The following MAML2 variants were observed in gnomAD, a reference collection of about 807,000 sequenced individuals.
The protein encoded by MAML2 is mastermind like transcriptional coactivator 2.
In MAML2, 22 loss-of-function variants were observed where a neutral mutation model predicts 96.1. The ratio of observed to expected loss-of-function variants is 0.23; its 90% CI spans 0.16 to 0.33. The LOEUF is 0.33. MAML2 is among the 10% of genes least tolerant of loss of function. The probability of loss-of-function intolerance (pLI) is 1.00; values close to 1 mark genes in which losing one functional copy is unlikely to be tolerated. For missense variants in MAML2, 1,367 were observed against 1,392.4 expected (o/e 0.98, Z 0.29); for synonymous variants, 561 against 521.3 (o/e 1.08, Z -1.04).
At chr11:96,121,700 AAAAG>A (rs1260026743) in intron 1 of MAML2, among the ~76,000 whole-genome samples, 1 of 151,834 alleles carries the variant, frequency 6.6e-6, no homozygotes, top group Non-Finnish European at 1.5e-5. Flanking sequence ...ATAAAGAAAA[AAAAG>A]AGAGAAGACT....
chr11:96,020,658 T>TAC (rs1858422875), intron 2 of MAML2, among the ~76,000 whole-genome samples: 1 of 152,256 alleles, frequency 6.6e-6, no homozygotes, highest in Admixed American at 6.5e-5. Context: ...GCTTCATGGA[T>TAC]ACACTACTGT....
At position 96,034,354 on chromosome 11, in the gene MAML2, T is replaced by C. The variant is rs183169700; in HGVS notation, c.2140-42631A>G. The stretch of plus-strand genomic sequence containing the variant: ...TGACCCCCATCTCCCTGTCCTTTCA[T>C]TGCTTCTAAAACAGCACAGTCAGCC... On this transcript the variant is annotated intron_variant, in intron 2 of 4. Transcript: ENST00000524717. 2.8e-4 allele frequency among the ~76,000 whole-genome samples: 43 copies of C among 151,896 alleles called. 1 individual carries two copies. Among genetic ancestry groups the C allele is most frequent in the African/African-American group, 6.8e-4 (28 of 41,332 alleles).
Position 96,159,494 on chromosome 11 carries a change from A to C in MAML2, c.514-65977T>G, listed in dbSNP as rs189459851. ...GTGGTGCGATCTCGGCTGCGAGCCGAGATCACTGCGAGCTCCGGCCTCCCG... is the reference window on the plus strand; with the variant it reads ...GTGGTGCGATCTCGGCTGCGAGCCGCGATCACTGCGAGCTCCGGCCTCCCG... On this transcript the variant is annotated intron_variant, in intron 1 of 4. Coordinates refer to ENST00000524717, the MANE Select transcript of MAML2 (RefSeq NM_032427.4). Among the ~76,000 whole-genome samples, 374 of 44,780 alleles carry C rather than the reference A, an allele frequency of 8.4e-3. 6 individuals are homozygous for C. The Admixed American group carries it at 0.11, about 13-fold the overall frequency. 29.4% of individuals were successfully genotyped at this position (44,780 alleles called of 152,430 possible). A position where few individuals can be genotyped will look rare whatever the true frequency, so the allele number is the denominator to read the frequency against.
rs370606307 is a variant in MAML2 at position 96,111,386 on chromosome 11, G to A, written c.514-17869C>T. 5.8e-4 allele frequency among the ~76,000 whole-genome samples: 88 copies of A among 152,246 alleles called. 3 individuals are homozygous for A. In the South Asian group the frequency reaches 0.015, roughly 27 times the overall value. On this transcript the variant is annotated intron_variant, in intron 1 of 4. Transcript: ENST00000524717. ...TGACAAGCGCCAACAGTCATACGCAGATGCAATTTATCTTTGCGCGCAGCT... is the reference window on the plus strand; with the variant it reads ...TGACAAGCGCCAACAGTCATACGCAAATGCAATTTATCTTTGCGCGCAGCT...
intron 1 of MAML2, among the ~76,000 whole-genome samples, chr11:96,271,896 T>C (rs1358501406): frequency 6.6e-6 from 1 of 152,200 alleles, no homozygotes; most frequent in Non-Finnish European, 1.5e-5. Context: ...TTCCCATTTC[T>C]CTCTCCTTCG....
chr11:96,179,265 T>C (rs1223716192), intron 1 of MAML2, among the ~76,000 whole-genome samples: 6 of 152,190 alleles, frequency 3.9e-5, no homozygotes, highest in Non-Finnish European at 1.5e-5. Context: ...ATAGTTCAGA[T>C]GTCCAAAAGG....
intron 1 of MAML2, among the ~76,000 whole-genome samples, chr11:96,321,983 A>G (rs1247136819): frequency 2.0e-5 from 3 of 152,066 alleles, no homozygotes; most frequent in African/African-American, 4.8e-5. Flanking sequence ...TTTTCCTTAT[A>G]GCAACTTTTC....
intron 3 of MAML2, among the ~76,000 whole-genome samples, chr11:95,988,882 C>G (rs563696331): frequency 6.6e-6 from 1 of 152,252 alleles, no homozygotes; most frequent in South Asian, 2.1e-4. Flanking sequence ...ATAACCCAAT[C>G]TGTTGGACTT....
At chr11:96,327,870 C>T (rs1341129639) in intron 1 of MAML2, among the ~76,000 whole-genome samples, 4 of 152,008 alleles carry the variant, frequency 2.6e-5, no homozygotes, top group South Asian at 4.2e-4. Flanking sequence ...CCAAGGCAGG[C>T]GGATCACCTG....
At chr11:96,202,330 G>A (rs1861837784) in intron 1 of MAML2, among the ~76,000 whole-genome samples, 1 of 136,846 alleles carries the variant, frequency 7.3e-6, no homozygotes, top group African/African-American at 2.8e-5. Context: ...CAGCCTGGGT[G>A]ACAGAGCAAG....
intron 2 of MAML2, among the ~76,000 whole-genome samples, chr11:96,029,018 G>A (rs1340857600): frequency 2.6e-5 from 4 of 152,116 alleles, no homozygotes; most frequent in Non-Finnish European, 5.9e-5. Flanking sequence ...AGTCAGAGGT[G>A]TACTCTCCAG....
intron 1 of MAML2, among the ~76,000 whole-genome samples, chr11:96,161,814 C>T (rs1861107611): frequency 6.6e-6 from 1 of 152,170 alleles, no homozygotes; most frequent in South Asian, 2.1e-4. Flanking sequence ...CCTCCTGTCT[C>T]CCAAATCATA....
intron 1 of MAML2, among the ~76,000 whole-genome samples, chr11:96,283,866 C>G (rs561527179): frequency 1.3e-3 from 193 of 152,312 alleles, no homozygotes; most frequent in African/African-American, 4.5e-3. Context: ...TGGTCTCTAA[C>G]TTTCTTCTAA....
intron 2 of MAML2, among the ~76,000 whole-genome samples, chr11:96,088,542 A>C (rs1246919216): frequency 6.6e-6 from 1 of 152,198 alleles, no homozygotes; most frequent in Non-Finnish European, 1.5e-5. Flanking sequence ...GCCCTATCCC[A>C]TAATCCTCAA....
chr11:96,325,872 C>A (rs922042522), intron 1 of MAML2, among the ~76,000 whole-genome samples: 1 of 152,170 alleles, frequency 6.6e-6, no homozygotes, highest in African/African-American at 2.4e-5. Context: ...AGGCAGATGT[C>A]CAGGCTTGGA....
intron 2 of MAML2, among the ~76,000 whole-genome samples, chr11:96,055,670 A>G (rs1156494623): frequency 6.6e-6 from 1 of 152,196 alleles, no homozygotes; most frequent in Non-Finnish European, 1.5e-5. Flanking sequence ...AGCACAAAGA[A>G]AAAGGAGAGA....
chr11:96,015,430 T>TTGTGTAATATG, intron 2 of MAML2, among the ~76,000 whole-genome samples: 1 of 152,158 alleles, frequency 6.6e-6, no homozygotes, highest in South Asian at 2.1e-4. Context: ...AAAAAGTATT[T>TTGTGTAATATG]TGTAAACACT....
chr11:96,219,668 T>C (rs182454717), intron 1 of MAML2, among the ~76,000 whole-genome samples: 2 of 152,246 alleles, frequency 1.3e-5, no homozygotes, highest in African/African-American at 4.8e-5. Flanking sequence ...CTCTGTCATG[T>C]AGGCTGGAGT....
At chr11:96,003,161 A>G (rs1313614972) in intron 2 of MAML2, among the ~76,000 whole-genome samples, 3 of 151,034 alleles carry the variant, frequency 2.0e-5, no homozygotes, top group Non-Finnish European at 4.4e-5. Context: ...GAGGAGGATG[A>G]TGGGGATGAT....
Sources: allele counts gnomAD v4.1 joint callset (sites outside exome capture counted in the v4.1 genomes callset), GRCh38; gene constraint gnomAD v4.1.1; transcripts MANE v1.5; gene names NCBI Gene and HGNC (gene_info 2026-07-23, HGNC 2026-07-21).